Variants in OXR1 observed in about 807,000 individuals in gnomAD.
OXR1 encodes the protein oxidation resistance protein 1.
A neutral mutation model predicts 104.6 loss-of-function variants in OXR1; 41 were observed. That is an observed-to-expected ratio of 0.39 (90% CI 0.31 to 0.51). The LOEUF is 0.51. OXR1 is among the 20% of genes least tolerant of loss of function. The pLI is 0.77. For synonymous variants in OXR1, 348 were observed against 348.4 expected, an observed-to-expected ratio of 1.00 and a Z score of 0.01; for missense variants, 955 against 1,031.9, an observed-to-expected ratio of 0.93 and a Z score of 1.02.
At chr8:106,313,597 T>C (rs907974558) in intron 1 of OXR1, among the ~76,000 whole-genome samples, 2 of 151,446 alleles carry the variant, frequency 1.3e-5, no homozygotes, top group African/African-American at 4.9e-5. Flanking sequence ...CCATTGCTGT[T>C]TTGTGATGAG....
intron 11 of OXR1, 53 bp downstream of exon 11, chr8:106,714,038 A>G (rs1831988863): frequency 2.9e-6 from 4 of 1,373,054 alleles, no homozygotes; most frequent in East Asian, 4.9e-5. Context: ...GTATGAATTT[A>G]TAGCTTTATG....
chr8:106,277,569 C>G (rs1332005682), intron 1 of OXR1, among the ~76,000 whole-genome samples: 1 of 152,248 alleles, frequency 6.6e-6, no homozygotes, highest in Non-Finnish European at 1.5e-5. Flanking sequence ...TGATTCATGA[C>G]TGTGTAAGTG....
intron 2 of OXR1, among the ~76,000 whole-genome samples, chr8:106,508,330 A>G (rs1812301381): frequency 6.6e-6 from 1 of 152,234 alleles, no homozygotes; most frequent in African/African-American, 2.4e-5. Flanking sequence ...TGATTTCTGT[A>G]ATGTAATTTT....
chr8:106,620,703 G>A (rs10093154), intron 3 of OXR1, among the ~76,000 whole-genome samples: 53,035 of 152,060 alleles, frequency 0.35, 9,699 homozygotes, highest in African/African-American at 0.45. Flanking sequence ...CTCATTAAAA[G>A]CTATGTGTAT....
chr8:106,472,586 A>G (rs1475292734), intron 2 of OXR1, among the ~76,000 whole-genome samples: 1 of 151,916 alleles, frequency 6.6e-6, no homozygotes, highest in Non-Finnish European at 1.5e-5. Context: ...ATTTTAACAG[A>G]CAAATTTACT....
At chr8:106,712,218 A>G (rs983615668) in intron 10 of OXR1, among the ~76,000 whole-genome samples, 1 of 152,096 alleles carries the variant, frequency 6.6e-6, no homozygotes, top group Non-Finnish European at 1.5e-5. Context: ...TTTTGTCACA[A>G]TATTTTTAGT....
intron 3 of OXR1, among the ~76,000 whole-genome samples, chr8:106,539,500 G>GT (rs200212777): frequency 0.011 from 1,629 of 152,192 alleles, 29 homozygotes; most frequent in African/African-American, 0.036. Flanking sequence ...AATTACAGTG[G>GT]TTTTTTTGAT....
chr8:106,304,955 T>C (rs1813412281), intron 1 of OXR1, among the ~76,000 whole-genome samples: 1 of 152,186 alleles, frequency 6.6e-6, no homozygotes, highest in Non-Finnish European at 1.5e-5. Context: ...AAATAATTCC[T>C]TATTTTTGGT....
At chr8:106,348,084 A>G (rs961818712) in intron 1 of OXR1, among the ~76,000 whole-genome samples, 1 of 152,208 alleles carries the variant, frequency 6.6e-6, no homozygotes, top group Admixed American at 6.5e-5. Flanking sequence ...AAGGGAAAGG[A>G]CATTCCTTGA....
At chr8:106,579,547 G>T (rs1031939699) in intron 3 of OXR1, among the ~76,000 whole-genome samples, 1 of 152,222 alleles carries the variant, frequency 6.6e-6, no homozygotes, top group Non-Finnish European at 1.5e-5. Context: ...GACTGAGCTT[G>T]CTGGCTCTGG....
At chr8:106,420,442 T>A (rs1379613348) in intron 2 of OXR1, among the ~76,000 whole-genome samples, 1 of 151,968 alleles carries the variant, frequency 6.6e-6, no homozygotes, top group Admixed American at 6.6e-5. Flanking sequence ...TACTTAGGGT[T>A]TTTGTCATTA....
At position 106,692,712 on chromosome 8, in the gene OXR1, TAAA is replaced by T. The variant is rs750764834; in HGVS notation, c.526-4_526-2del. 2.0e-4 allele frequency: 237 copies of T among 1,165,484 alleles called. No homozygotes were observed. The highest frequency in any genetic ancestry group is 4.4e-4 in the Middle Eastern group (2 of 4,552). The allele number at this position is 1,165,484 out of a possible 1,614,324, so 72.2% of individuals were successfully genotyped here. A position where few individuals can be genotyped will look rare whatever the true frequency, so the allele number is the denominator to read the frequency against. The stretch of plus-strand genomic sequence containing the variant: ...TTTCTGCTTTTTTTTTTCTTTCCTT[TAAA>T]AAAAAAAAAAAGAATCCTGATGTCC... On this transcript the variant is annotated splice_polypyrimidine_tract_variant and intron_variant, in intron 6 of 16. Transcript: ENST00000517566.
At chr8:106,336,107 T>A (rs1039132850) in intron 1 of OXR1, among the ~76,000 whole-genome samples, 1 of 152,060 alleles carries the variant, frequency 6.6e-6, no homozygotes, top group African/African-American at 2.4e-5. Flanking sequence ...ATAATAATAA[T>A]AATAGAAATA....
chr8:106,353,297 C>T (rs144889725), intron 1 of OXR1, among the ~76,000 whole-genome samples: 4,890 of 152,004 alleles, frequency 0.032, 108 homozygotes, highest in South Asian at 0.13. Flanking sequence ...TGCAGTGAGT[C>T]GAGATCACGC....
chr8:106,697,138 C>A (rs1830117776), intron 7 of OXR1, among the ~76,000 whole-genome samples: 1 of 152,134 alleles, frequency 6.6e-6, no homozygotes, highest in Admixed American at 6.5e-5. Flanking sequence ...ACAGAACAGG[C>A]CAGGGCATGG....
chr8:106,740,261 C>A, intron 13 of OXR1, 82 bp from the exon 14 acceptor site: 3 of 971,748 alleles, frequency 3.1e-6, no homozygotes, highest in Non-Finnish European at 4.7e-6. Context: ...TATATAGGCA[C>A]CATTACATTC....
At chr8:106,722,021 C>A (rs568797971) in intron 11 of OXR1, among the ~76,000 whole-genome samples, 1 of 152,274 alleles carries the variant, frequency 6.6e-6, no homozygotes, top group African/African-American at 2.4e-5. Flanking sequence ...ATTGCTGCAA[C>A]TTTTAAGAAA....
chr8:106,449,971 C>T (rs1308181163), intron 2 of OXR1, among the ~76,000 whole-genome samples: 2 of 152,130 alleles, frequency 1.3e-5, no homozygotes, highest in Non-Finnish European at 2.9e-5. Context: ...ACAATATAAA[C>T]ATTACTCTGA....
intron 11 of OXR1, among the ~76,000 whole-genome samples, chr8:106,733,496 T>G (rs1305712106): frequency 6.6e-6 from 1 of 152,236 alleles, no homozygotes; most frequent in Non-Finnish European, 1.5e-5. Context: ...TTTATTTTCC[T>G]GTGCTTCAGA....
Sources: allele counts gnomAD v4.1 joint callset (sites outside exome capture counted in the v4.1 genomes callset), GRCh38; gene constraint gnomAD v4.1.1; transcripts MANE v1.5; gene names NCBI Gene and HGNC (gene_info 2026-07-23, HGNC 2026-07-21).